Variants in ENPP3 observed in about 807,000 individuals in gnomAD.
ENPP3 encodes the protein ectonucleotide pyrophosphatase/phosphodiesterase family member 3.
A neutral mutation model predicts 117.8 loss-of-function variants in ENPP3; 104 were observed. The ratio of observed to expected loss-of-function variants is 0.88; its 90% CI spans 0.75 to 1.04. The LOEUF (loss-of-function observed/expected upper bound fraction) is 1.04. ENPP3 is among the 50% of genes least tolerant of loss of function. The pLI is 0.00. For missense variants in ENPP3, 1,026 were observed against 1,051.9 expected (o/e 0.98, Z 0.34); for synonymous variants, 380 against 349.9 (o/e 1.09, Z -0.96).
intron 15 of ENPP3, chr6:131,701,318 C>A (rs759842603): frequency 3.7e-6 from 6 of 1,610,514 alleles, no homozygotes; most frequent in Non-Finnish European, 5.1e-6. Context: ...GGGAGAAGAG[C>A]CCAAAGAGGA....
chr6:131,685,624 C>A, intron 13 of ENPP3, 129 bp downstream of exon 13: 1 of 873,102 alleles, frequency 1.1e-6, no homozygotes, highest in South Asian at 1.7e-5. Flanking sequence ...CACAGAGAAA[C>A]AAGTGGGAAA....
intron 2 of ENPP3, among the ~76,000 whole-genome samples, chr6:131,645,221 A>G (rs759332773): frequency 2.6e-5 from 4 of 152,224 alleles, no homozygotes; most frequent in Non-Finnish European, 5.9e-5. Context: ...GCCATAGATC[A>G]AGGAATGAAG....
intron 5 of ENPP3, among the ~76,000 whole-genome samples, chr6:131,657,382 A>G (rs1382339746): frequency 6.6e-6 from 1 of 152,160 alleles, no homozygotes; most frequent in Non-Finnish European, 1.5e-5. Context: ...CTATCATCAT[A>G]CATTCCTGTT....
At chr6:131,697,863 T>A (rs1247088962) in intron 15 of ENPP3, among the ~76,000 whole-genome samples, 1 of 152,012 alleles carries the variant, frequency 6.6e-6, no homozygotes, top group Non-Finnish European at 1.5e-5. Flanking sequence ...TAGTCTAGTG[T>A]GAAACAGGGA....
At chr6:131,675,026 C>A in intron 8 of ENPP3, 54 bp from the exon 9 acceptor site, 1 of 1,028,144 alleles carries the variant, frequency 9.7e-7, no homozygotes, top group Non-Finnish European at 1.5e-6. Flanking sequence ...GTAAGGTACA[C>A]CATTTCTACC....
At chr6:131,685,558 C>T in intron 13 of ENPP3, 63 bp downstream of exon 13, 1 of 1,531,068 alleles carries the variant, frequency 6.5e-7, no homozygotes, top group Non-Finnish European at 8.9e-7. Flanking sequence ...CCATAGTCCA[C>T]TAATTCTGAG....
At chr6:131,720,706 C>T (rs1356469811) in intron 17 of ENPP3, among the ~76,000 whole-genome samples, 1 of 152,152 alleles carries the variant, frequency 6.6e-6, no homozygotes, top group East Asian at 1.9e-4. Context: ...CTCAGCTTCC[C>T]AAGTAGCTGG....
chr6:131,662,691 T>A (rs1277405281), intron 6 of ENPP3, among the ~76,000 whole-genome samples: 2 of 152,212 alleles, frequency 1.3e-5, no homozygotes, highest in Admixed American at 6.6e-5. Context: ...TCTGGGGTGT[T>A]ATGAATTTAA....
chr6:131,640,437 A>G (rs1198784740), intron 1 of ENPP3, among the ~76,000 whole-genome samples: 3 of 152,232 alleles, frequency 2.0e-5, no homozygotes. Flanking sequence ...ACTTCATATA[A>G]GAATTGTTTT....
chr6:131,740,419 G>T, intron 24 of ENPP3, 39 bp downstream of exon 24: 1 of 1,428,008 alleles, frequency 7.0e-7, no homozygotes, highest in Non-Finnish European at 9.3e-7. Flanking sequence ...CCGAGAAAAT[G>T]AGTCAGAGCT....
rs767546287 is a variant in ENPP3, at chr6:131,740,203, GT to G, written c.2301-17del. ...CAAAAGTATAATAACATCAAAACATGTTTTCAATTATGTTTGTAAGACATTT... is the reference window on the plus strand; with the variant it reads ...CAAAAGTATAATAACATCAAAACATGTTTCAATTATGTTTGTAAGACATTT... On this transcript the variant is annotated intron_variant, in intron 23 of 24. Coordinates refer to ENST00000357639, the MANE Select transcript of ENPP3 (RefSeq NM_005021.5). 2.5e-5 allele frequency: 39 copies of G among 1,540,074 alleles called. No homozygotes were observed. Among genetic ancestry groups the G allele is most frequent in the Non-Finnish European group, 3.3e-5 (38 of 1,139,694 alleles).
chr6:131,652,867 C>T lies in ENPP3; in HGVS notation c.440C>T (p.Ala147Val). 1 of 1,613,000 alleles carries T rather than the reference C, an allele frequency of 6.2e-7. No homozygotes were observed. The highest frequency in any genetic ancestry group is 8.5e-7 in the Non-Finnish European group (1 of 1,179,032). ...TGGCTGGAAGAAAACTGTGACACAGCCCAGCAGTCTCAGTGCCCAGAAGGG... is the reference window on the plus strand; with the variant it reads ...TGGCTGGAAGAAAACTGTGACACAGTCCAGCAGTCTCAGTGCCCAGAAGGG... ...TSWLEENCDT[A>V]QQSQCPEGFD... Residue 147 changes from alanine to valine, a missense_variant, in exon 5 of 25, where the codon GCC becomes GTC. Transcript: ENST00000357639.
chr6:131,717,351 GGTGTGTGTGTGTGTGTGTGTGTGT>G (rs71030754), intron 15 of ENPP3, among the ~76,000 whole-genome samples: 5 of 89,422 alleles, frequency 5.6e-5, no homozygotes, highest in Non-Finnish European at 7.9e-5. Flanking sequence ...CCCTGCGGGG[GGTGTGTGTGTGTGTGTGTGTGTGT>G]GTGTGTGTGT....
chr6:131,727,054 C>A (rs529258439), intron 20 of ENPP3, among the ~76,000 whole-genome samples: 1 of 152,170 alleles, frequency 6.6e-6, no homozygotes, highest in Admixed American at 6.5e-5. Context: ...GACAAAATAA[C>A]AAAGTTGTAG....
At chr6:131,664,821 T>A (rs142910708) in intron 6 of ENPP3, among the ~76,000 whole-genome samples, 1 of 152,298 alleles carries the variant, frequency 6.6e-6, no homozygotes, top group African/African-American at 2.4e-5. Context: ...GGCTTTACCA[T>A]CTAGGTTTGC....
At chr6:131,720,260 CTAA>C in intron 16 of ENPP3, 29 bp from the exon 17 acceptor site, 14 of 1,317,626 alleles carry the variant, frequency 1.1e-5, no homozygotes, top group South Asian at 4.1e-5. Flanking sequence ...TGGATGACAT[CTAA>C]TAATAATAAT....
chr6:131,654,160 C>T (rs1778330012), intron 5 of ENPP3, among the ~76,000 whole-genome samples: 1 of 150,596 alleles, frequency 6.6e-6, no homozygotes, highest in African/African-American at 2.4e-5. Context: ...GAGATAGGGT[C>T]TCACTCTGTC....
chr6:131,735,304 G>A (rs544940066), intron 21 of ENPP3, among the ~76,000 whole-genome samples: 23 of 152,282 alleles, frequency 1.5e-4, no homozygotes, highest in African/African-American at 5.5e-4. Flanking sequence ...CAGAGGTAAT[G>A]TTATGTTGAT....
At chr6:131,669,216 C>T (rs1778686661) in intron 6 of ENPP3, among the ~76,000 whole-genome samples, 1 of 152,006 alleles carries the variant, frequency 6.6e-6, no homozygotes, top group South Asian at 2.1e-4. Context: ...GACTTCTTAA[C>T]AATATTAAAT....
Sources: allele counts gnomAD v4.1 joint callset (sites outside exome capture counted in the v4.1 genomes callset), GRCh38; gene constraint gnomAD v4.1.1; transcripts MANE v1.5; gene names NCBI Gene and HGNC (gene_info 2026-07-23, HGNC 2026-07-21).